The following UNKL variants were observed in gnomAD, a reference collection of about 807,000 sequenced individuals.
UNKL encodes putative E3 ubiquitin-protein ligase UNKL.
A neutral mutation model predicts 78.0 loss-of-function variants in UNKL; 60 were observed. The observed-to-expected ratio is 0.77, with a 90% confidence interval of 0.63 to 0.95. The LOEUF is 0.95. UNKL is among the 40% of genes least tolerant of loss of function. UNKL has a pLI of 0.00. For synonymous variants in UNKL, 608 were observed against 474.8 expected, an observed-to-expected ratio of 1.28 and a Z score of -3.65; for missense variants, 1,159 against 1,045.7, an observed-to-expected ratio of 1.11 and a Z score of -1.49.
At chr16:1,392,733 C>A (rs1181468358) in intron 8 of UNKL, among the ~76,000 whole-genome samples, 158 bp downstream of exon 8, 2 of 152,252 alleles carry the variant, frequency 1.3e-5, no homozygotes, top group Non-Finnish European at 2.9e-5. Context: ...CTGCCCCCAG[C>A]CTAGTGGCAA....
intron 2 of UNKL, among the ~76,000 whole-genome samples, chr16:1,404,119 G>A (rs1242014877): frequency 6.7e-6 from 1 of 149,288 alleles, no homozygotes; most frequent in Non-Finnish European, 1.5e-5. Flanking sequence ...CACTCCAGAA[G>A]GAGGCAAAGG....
chr16:1,392,827 A>G lies in UNKL; in HGVS notation c.1023+64T>C, dbSNP rs1219864807. ...TTGCTGAAAACTCATATCCATCCAC[A>G]TCCCTAAGAGTTCAATTAAACCAAA... On this transcript the variant is annotated intron_variant, in intron 8 of 14. Transcript: ENST00000389221. 8 of 1,527,146 alleles carry G rather than the reference A, an allele frequency of 5.2e-6. No homozygotes were observed. In the South Asian group the frequency reaches 7.2e-5, roughly 14 times the overall value. The allele number at this position is 1,527,146 out of a possible 1,614,324, so 94.6% of individuals were successfully genotyped here. A position where few individuals can be genotyped will look rare whatever the true frequency, so the allele number is the denominator to read the frequency against.
intron 10 of UNKL, among the ~76,000 whole-genome samples, chr16:1,376,537 T>A (rs1271721675): frequency 6.6e-6 from 1 of 152,138 alleles, no homozygotes; most frequent in African/African-American, 2.4e-5. Flanking sequence ...GTGGCTCCAG[T>A]GTCTGCCTCT....
At position 1,365,309 on chromosome 16, in the gene UNKL, TA is replaced by T. The variant is rs772473639; in HGVS notation, c.*930del. The T allele has an allele frequency of 4.6e-5, 7 of 152,338 alleles. No homozygotes were observed. The highest frequency in any genetic ancestry group is 1.9e-4 in the East Asian group (1 of 5,182). 9.4% of individuals were successfully genotyped at this position (152,338 alleles called of 1,614,324 possible). The stretch of plus-strand genomic sequence containing the variant: ...GCCAGAAGACAGCTGCTTAAAAAAG[TA>T]ATTCTAAAAGCTCTGACGTCGGATC... On this transcript the variant is annotated 3_prime_UTR_variant, in exon 15 of 15. Transcript: ENST00000389221.
rs367658905 is a variant in UNKL at position 1,401,558 on chromosome 16, G to A, written c.598+10C>T. ...CCCACCACCGCCCTCAGCTGCGGCC[G>A]TGGAGTTACCTTGCCACCGGGGGTC... On this transcript the variant is annotated intron_variant, in intron 4 of 14. Coordinates refer to ENST00000389221, the MANE Select transcript of UNKL (RefSeq NM_001372107.1). The A allele has an allele frequency of 7.4e-5, 115 of 1,553,166 alleles. No individual in the cohort carries two copies. The highest frequency in any genetic ancestry group is 8.5e-5 in the Non-Finnish European group (97 of 1,145,096).
intron 12 of UNKL, 72 bp from the exon 13 acceptor site, chr16:1,367,930 G>A: frequency 1.5e-6 from 2 of 1,363,006 alleles, no homozygotes; most frequent in African/African-American, 2.9e-5. Flanking sequence ...TGGGTGCTAT[G>A]CCCCAGGCCC....
intron 10 of UNKL, among the ~76,000 whole-genome samples, chr16:1,381,175 C>T (rs1199421674): frequency 6.6e-6 from 1 of 152,230 alleles, no homozygotes; most frequent in African/African-American, 2.4e-5. Flanking sequence ...CGACTTTCCA[C>T]CCGAGTGAGC....
chr16:1,374,698 T>C (rs1215523717), intron 10 of UNKL, among the ~76,000 whole-genome samples: 1 of 152,042 alleles, frequency 6.6e-6, no homozygotes, highest in Non-Finnish European at 1.5e-5. Flanking sequence ...AGCAGGGAGC[T>C]GGCTGAGCCA....
intron 6 of UNKL, among the ~76,000 whole-genome samples, chr16:1,396,347 C>G (rs113429053): frequency 6.6e-6 from 1 of 151,576 alleles, no homozygotes; most frequent in Non-Finnish European, 1.5e-5. Context: ...CTCTGCCTCC[C>G]GGGTTCAAGC....
At chr16:1,368,861 A>T (rs2035536897) in intron 12 of UNKL, among the ~76,000 whole-genome samples, 1 of 152,070 alleles carries the variant, frequency 6.6e-6, no homozygotes, top group African/African-American at 2.4e-5. Context: ...AGATTGCTGG[A>T]GCCTGGACGA....
In UNKL at chr16:1,410,522, G is replaced by A. The variant is rs963234954; in HGVS notation, c.287+3324C>T. The stretch of plus-strand genomic sequence containing the variant: ...CTTGGGAGGCTGAGGCAGGAGAATC[G>A]CTTGAACCCGGGAGGTAGAGGTTGC... On this transcript the variant is annotated intron_variant, in intron 2 of 14. Transcript: ENST00000389221. 3.3e-5 allele frequency among the ~76,000 whole-genome samples: 5 copies of A among 152,004 alleles called. No homozygotes were observed. In the South Asian group the frequency reaches 6.2e-4, roughly 19 times the overall value.
Position 1,397,167 on chromosome 16 carries a change from G to A in UNKL, c.852+11C>T, listed in dbSNP as rs917342955. 5.2e-6 allele frequency: 8 copies of A among 1,547,000 alleles called. No individual in the cohort carries two copies. The African/African-American group carries it at 1.1e-4, about 21-fold the overall frequency. On this transcript the variant is annotated intron_variant, in intron 6 of 14. Coordinates refer to ENST00000389221, the MANE Select transcript of UNKL (RefSeq NM_001372107.1). ...AGCGACCCCTACGCCTGGGGGGTTG[G>A]AGGGACGTACCTCGGGATGGAACTG...
intron 10 of UNKL, among the ~76,000 whole-genome samples, chr16:1,378,327 C>G (rs1338649326): frequency 6.6e-6 from 1 of 152,228 alleles, no homozygotes. Context: ...TCAGGTCAGC[C>G]AGGCTCGGGA....
intron 10 of UNKL, among the ~76,000 whole-genome samples, chr16:1,377,034 C>A (rs907147573): frequency 3.3e-5 from 5 of 151,970 alleles, no homozygotes; most frequent in Non-Finnish European, 7.4e-5. Context: ...ACCCAGCCCC[C>A]CCAACCGAGA....
At position 1,370,312 on chromosome 16, in the gene UNKL, G is replaced by T; in HGVS notation, c.1403C>A (p.Ser468Tyr). 6.5e-7 allele frequency: 1 copy of T among 1,533,754 alleles called. No homozygotes were observed. Among genetic ancestry groups the T allele is most frequent in the Non-Finnish European group, 8.7e-7 (1 of 1,146,004 alleles). Residue 468 changes from serine to tyrosine, a missense_variant, in exon 12 of 15, where the codon TCC becomes TAC. Transcript: ENST00000389221. ...GTGTAGCGATGGTGCTCTGGGCAGG[G>T]AGCCGGGGATGGCGACAGGTGCAGA... ...AGSAPVAIPG[S>Y]LPRAPSLHSP...
At chr16:1,414,272 C>G (rs905339790) in intron 1 of UNKL, among the ~76,000 whole-genome samples, 1 of 151,984 alleles carries the variant, frequency 6.6e-6, no homozygotes, top group African/African-American at 2.4e-5. Context: ...GGTCCCCAAG[C>G]CCAAGCGCCA....
intron 12 of UNKL, 129 bp downstream of exon 12, chr16:1,370,001 G>C (rs1373228870): frequency 6.4e-7 from 1 of 1,551,094 alleles, no homozygotes; most frequent in Non-Finnish European, 8.7e-7. Flanking sequence ...GTGAGCAGCA[G>C]GTCATGTGGT....
Position 1,385,352 on chromosome 16 carries a change from G to C in UNKL, c.1120C>G (p.Pro374Ala). Residue 374 changes from proline (P) to alanine (A), a missense_variant, in exon 10 of 15, where the codon CCG becomes GCG. By Grantham distance (27) the Pro-to-Ala change is conservative (BLOSUM62 -1). Coordinates refer to ENST00000389221, the MANE Select transcript of UNKL (RefSeq NM_001372107.1). ...ACGCTGGAGCTCACGCTGGGGGCCGGCGGGTGGACCGCTGCAAACACGGCC... is the reference window on the plus strand; with the variant it reads ...ACGCTGGAGCTCACGCTGGGGGCCGCCGGGTGGACCGCTGCAAACACGGCC... ...HLAVFAAVHP[P>A]APSVSSSVAS... The C allele has an allele frequency of 7.1e-7, 1 of 1,417,460 alleles. No homozygotes were observed. The highest frequency in any genetic ancestry group is 9.2e-7 in the Non-Finnish European group (1 of 1,089,416). 87.8% of individuals were successfully genotyped at this position (1,417,460 alleles called of 1,614,324 possible).
rs181148746 is a variant in UNKL, at chr16:1,363,312, C to A, written c.*2928G>T. ...GTAAAAAAATTTAAACAAGTGTTAA[C>A]TTTAAACAGTTCGCTACAAGTAAAT... On this transcript the variant is annotated 3_prime_UTR_variant, in exon 15 of 15. Transcript: ENST00000389221. 1.8e-6 allele frequency: 1 copy of A among 567,130 alleles called. No individual in the cohort carries two copies. 35.1% of individuals were successfully genotyped at this position (567,130 alleles called of 1,614,324 possible).
Sources: allele counts gnomAD v4.1 joint callset (sites outside exome capture counted in the v4.1 genomes callset), GRCh38; gene constraint gnomAD v4.1.1; transcripts MANE v1.5; gene names NCBI Gene and HGNC (gene_info 2026-07-23, HGNC 2026-07-21).